RPH3A: variants seen among roughly 807,000 people sequenced by gnomAD.
RPH3A encodes the protein rabphilin 3A.
Under a neutral mutation model 102.2 loss-of-function variants are expected in RPH3A, and 48 were observed. The observed-to-expected ratio is 0.47, with a 90% CI of 0.37 to 0.60. RPH3A has a LOEUF of 0.60. RPH3A is among the 20% of genes least tolerant of loss of function. The pLI, the probability that RPH3A is intolerant of heterozygous loss-of-function variation, is 0.00. For missense variants in RPH3A, 781 were observed against 910.1 expected (o/e 0.86, Z 1.83); for synonymous variants, 310 against 324.3 (o/e 0.96, Z 0.47).
intron 1 of RPH3A, among the ~76,000 whole-genome samples, chr12:112,704,935 C>T (rs2040418430): frequency 6.6e-6 from 1 of 152,054 alleles, no homozygotes; most frequent in East Asian, 1.9e-4. Context: ...GATTAAGAAC[C>T]ATAAAAATGA....
At chr12:112,732,720 T>C (rs1263299586) in intron 1 of RPH3A, among the ~76,000 whole-genome samples, 1 of 152,090 alleles carries the variant, frequency 6.6e-6, no homozygotes, top group East Asian at 1.9e-4. Flanking sequence ...CCTGAGTTGG[T>C]TCAATATGGT....
chr12:112,649,830 C>T (rs541273261), intron 1 of RPH3A, among the ~76,000 whole-genome samples: 134 of 152,306 alleles, frequency 8.8e-4, no homozygotes, highest in Non-Finnish European at 9.0e-4. Flanking sequence ...GCTTCCCTCC[C>T]TGGCTTGCAG....
intron 1 of RPH3A, among the ~76,000 whole-genome samples, chr12:112,590,548 G>T (rs1208079293): frequency 6.6e-6 from 1 of 152,198 alleles, no homozygotes; most frequent in Non-Finnish European, 1.5e-5. Context: ...TCATGGAAAT[G>T]GCTCATGGGG....
chr12:112,657,906 G>A (rs1224831597), intron 1 of RPH3A, among the ~76,000 whole-genome samples: 1 of 152,160 alleles, frequency 6.6e-6, no homozygotes, highest in Non-Finnish European at 1.5e-5. Context: ...GGAGTTGACT[G>A]TGTGGATAAG....
At chr12:112,808,709 G>A (rs1374262346) in intron 2 of RPH3A, among the ~76,000 whole-genome samples, 2 of 152,158 alleles carry the variant, frequency 1.3e-5, no homozygotes, top group Non-Finnish European at 2.9e-5. Context: ...CCACAGACCA[G>A]CAGTACCGGT....
intron 2 of RPH3A, among the ~76,000 whole-genome samples, chr12:112,806,945 T>C (rs2041477322): frequency 6.6e-6 from 1 of 151,894 alleles, no homozygotes; most frequent in Admixed American, 6.6e-5. Flanking sequence ...GAAGGATGAA[T>C]AGGAGTTAAC....
intron 2 of RPH3A, among the ~76,000 whole-genome samples, chr12:112,794,853 C>A (rs1458459851): frequency 2.6e-5 from 4 of 152,236 alleles, no homozygotes; most frequent in African/African-American, 9.6e-5. Context: ...CCTACTCCCC[C>A]AGTCCAGCCT....
In RPH3A at chr12:112,781,676, CA is replaced by C. The variant is rs531407183; in HGVS notation, c.-139-10466del. Reference sequence around the variant, plus strand: ...ATGGCTCATAAAATGGTGCCCTTTTCATCCATTCATTCATTCATTCACTCAA... The same window carrying C: ...ATGGCTCATAAAATGGTGCCCTTTTCTCCATTCATTCATTCATTCACTCAA... On this transcript the variant is annotated intron_variant, in intron 1 of 21. Coordinates refer to the RPH3A transcript ENST00000543106. 9.2e-5 allele frequency among the ~76,000 whole-genome samples: 14 copies of C among 152,306 alleles called. No homozygotes were observed. The South Asian group carries it at 2.9e-3, about 32-fold the overall frequency.
chr12:112,890,954 C>A lies in RPH3A; in HGVS notation c.1726C>A (p.His576Asn). 1 of 1,614,168 alleles carries A rather than the reference C, an allele frequency of 6.2e-7. No individual in the cohort carries two copies. ...GLIVGIIRCV[H>N]LAAMDANGYS... Reference sequence around the variant, plus strand: ...CATTGTGGGCATCATACGCTGCGTGCACCTGGCTGCCATGGACGCTAATGG... The same window carrying A: ...CATTGTGGGCATCATACGCTGCGTGAACCTGGCTGCCATGGACGCTAATGG... The change falls in exon 19 of 22, where the codon CAC (histidine) becomes AAC (asparagine). Residue 576 changes from histidine to asparagine, a missense_variant. By Grantham distance (68) the His-to-Asn change is moderately conservative. Around this residue, in one of 2 missense-constraint regions of RPH3A, gnomAD observed 730 missense variants for 810.0 expected, o/e 0.90. Transcript: ENST00000389385.
chr12:112,790,438 T>C (rs2041086866), upstream of RPH3A, among the ~76,000 whole-genome samples: 1 of 152,160 alleles, frequency 6.6e-6, no homozygotes, highest in South Asian at 2.1e-4. Context: ...TGGGGAGAAG[T>C]AAGTGACAAA....
intron 1 of RPH3A, among the ~76,000 whole-genome samples, chr12:112,754,481 G>T (rs2040808173): frequency 6.6e-6 from 1 of 152,166 alleles, no homozygotes; most frequent in Admixed American, 6.5e-5. Context: ...TAGAACTGGA[G>T]ATTTATATTC....
intron 1 of RPH3A, among the ~76,000 whole-genome samples, chr12:112,720,750 A>C (rs944241434): frequency 6.6e-6 from 1 of 152,182 alleles, no homozygotes; most frequent in Non-Finnish European, 1.5e-5. Flanking sequence ...TTCCAATCCT[A>C]TGCTTGTGTC....
At chr12:112,597,996 G>A (rs1225253906) in intron 1 of RPH3A, among the ~76,000 whole-genome samples, 12 of 152,306 alleles carry the variant, frequency 7.9e-5, no homozygotes, top group East Asian at 7.7e-4. Flanking sequence ...TCTGTAGGTC[G>A]TTTAGGCTGG....
chr12:112,582,249 T>G (rs1319341168), intron 1 of RPH3A, among the ~76,000 whole-genome samples: 1 of 147,248 alleles, frequency 6.8e-6, no homozygotes, highest in Non-Finnish European at 1.5e-5. Context: ...ACATTATGAT[T>G]ATTATTATTT....
At chr12:112,767,227 T>G (rs1168375406) in intron 1 of RPH3A, among the ~76,000 whole-genome samples, 1 of 152,174 alleles carries the variant, frequency 6.6e-6, no homozygotes, top group Non-Finnish European at 1.5e-5. Flanking sequence ...CCATATCTAG[T>G]CCACAGTAGA....
chr12:112,768,307 C>T (rs528238788), intron 1 of RPH3A, among the ~76,000 whole-genome samples: 2 of 152,268 alleles, frequency 1.3e-5, no homozygotes, highest in African/African-American at 4.8e-5. Context: ...TCTCTAAACT[C>T]TTCCATGGCT....
At chr12:112,714,772 C>T (rs2040503066) in intron 1 of RPH3A, among the ~76,000 whole-genome samples, 2 of 152,116 alleles carry the variant, frequency 1.3e-5, no homozygotes, top group South Asian at 2.1e-4. Flanking sequence ...TCAGGCTCTG[C>T]AGGAAAAGTA....
chr12:112,636,358 A>T (rs1361595848), intron 1 of RPH3A, among the ~76,000 whole-genome samples: 1 of 152,224 alleles, frequency 6.6e-6, no homozygotes, highest in Non-Finnish European at 1.5e-5. Context: ...AGGGCTAACA[A>T]TGCAATGTCT....
At chr12:112,665,081 C>A (rs1304085996) in intron 1 of RPH3A, among the ~76,000 whole-genome samples, 2 of 152,180 alleles carry the variant, frequency 1.3e-5, no homozygotes, top group African/African-American at 4.8e-5. Context: ...AGGTAACCAG[C>A]TCACTAACAC....
Sources: gnomAD v4.1 joint callset for allele counts (sites outside exome capture counted in the v4.1 genomes callset) on GRCh38, gnomAD v4.1.1 for gene constraint, gnomAD v4.1.1 regional missense constraint, MANE v1.5 for transcripts, NCBI Gene and HGNC (gene_info 2026-07-23, HGNC 2026-07-21) for gene names.